IQGAP3: variants seen among roughly 807,000 people sequenced by gnomAD.
IQGAP3 encodes the protein ras GTPase-activating-like protein IQGAP3.
A neutral mutation model predicts 208.2 loss-of-function variants in IQGAP3; 165 were observed. The observed-to-expected ratio is 0.79, with a 90% CI of 0.70 to 0.90. IQGAP3 has a LOEUF of 0.90. IQGAP3 is among the 40% of genes least tolerant of loss of function. The pLI is 0.00. For missense variants in IQGAP3, 1,811 were observed against 2,043.1 expected (o/e 0.89, Z 2.19); for synonymous variants, 703 against 803.6 (o/e 0.87, Z 2.12).
At chr1:156,549,114 C>T (rs1162820677) in intron 16 of IQGAP3, among the ~76,000 whole-genome samples, 1 of 151,918 alleles carries the variant, frequency 6.6e-6, no homozygotes, top group Non-Finnish European at 1.5e-5. Context: ...CACTTGAGCC[C>T]AGGAGTTTGA....
At chr1:156,562,368 A>G (rs1376970748) in intron 9 of IQGAP3, among the ~76,000 whole-genome samples, 1 of 151,288 alleles carries the variant, frequency 6.6e-6, no homozygotes, top group African/African-American at 2.4e-5. Flanking sequence ...ATGGTTCTCC[A>G]GTCAGACAGA....
intron 1 of IQGAP3, among the ~76,000 whole-genome samples, chr1:156,569,843 T>C (rs1156303493): frequency 6.6e-6 from 1 of 152,120 alleles, no homozygotes; most frequent in African/African-American, 2.4e-5. Flanking sequence ...TCAACAGACT[T>C]GTTTAGGCAA....
intron 10 of IQGAP3, 71 bp from the exon 11 acceptor site, chr1:156,561,092 C>CATTTT (rs1311575136): frequency 9.2e-7 from 1 of 1,087,860 alleles, no homozygotes; most frequent in Non-Finnish European, 1.4e-6. Flanking sequence ...GAGTTGCCAG[C>CATTTT]ATGAGCTCCC....
rs1674870819 is a variant in IQGAP3 at position 156,539,426 on chromosome 1, C to G, written c.3004G>C (p.Glu1002Gln). The change falls in exon 25 of 38, where the codon GAG (glutamate) becomes CAG (glutamine). Residue 1002 changes from glutamate (E) to glutamine (Q), a missense_variant. By Grantham distance (29) the Glu-to-Gln change is conservative. Transcript: ENST00000361170. ...AACAGCTGGAGCAGGAGATAGGCCT[C>G]TCGGCGGCTGGAGGCATAGTTGTAC... ...SLYNYASSRR[E>Q]AYLLLQLFKT... 1 of 1,614,128 alleles carries G rather than the reference C, an allele frequency of 6.2e-7. No individual in the cohort carries two copies. Among genetic ancestry groups the G allele is most frequent in the Non-Finnish European group, 8.5e-7 (1 of 1,180,014 alleles).
At chr1:156,549,204 T>C (rs1473002048) in intron 16 of IQGAP3, among the ~76,000 whole-genome samples, 1 of 152,164 alleles carries the variant, frequency 6.6e-6, no homozygotes, top group Non-Finnish European at 1.5e-5. Flanking sequence ...CTCACGCCTG[T>C]AATCCCAGCT....
chr1:156,539,140 G>C, intron 25 of IQGAP3, 107 bp from the exon 26 acceptor site: 1 of 982,106 alleles, frequency 1.0e-6, no homozygotes, highest in Non-Finnish European at 1.6e-6. Context: ...TGGTGTCCCC[G>C]CTCTTAAGGA....
rs1027870985 is a variant in IQGAP3, at chr1:156,563,304, C to A, written c.628G>T (p.Ala210Ser). 6.3e-7 allele frequency: 1 copy of A among 1,597,942 alleles called. No individual in the cohort carries two copies. Among genetic ancestry groups the A allele is most frequent in the South Asian group, 1.1e-5 (1 of 89,532 alleles). The change falls in exon 8 of 38, where the codon GCT becomes TCT. Residue 210 changes from alanine (A) to serine (S), a missense_variant. Ala to Ser is a moderately conservative substitution (Grantham distance 99, BLOSUM62 1). Transcript: ENST00000361170. ...LSVDEAAVHA[A>S]VLAINEAVER... is the part of the protein sequence containing the mutation. ...ACTGCTTCATTGATGGCAAGAACAGCTGCATGGACTGGGAGAGGGCATGGA... is the reference window on the plus strand; with the variant it reads ...ACTGCTTCATTGATGGCAAGAACAGATGCATGGACTGGGAGAGGGCATGGA...
intron 15 of IQGAP3, among the ~76,000 whole-genome samples, chr1:156,551,062 AGC>A (rs1431418172): frequency 6.6e-6 from 1 of 152,230 alleles, no homozygotes; most frequent in Non-Finnish European, 1.5e-5. Context: ...ATACTTGTAA[AGC>A]ACATAAAATG....
At chr1:156,563,038 G>C in intron 8 of IQGAP3, 96 bp downstream of exon 8, 1 of 1,034,392 alleles carries the variant, frequency 9.7e-7, no homozygotes, top group Non-Finnish European at 1.4e-6. Flanking sequence ...AAGCAATTTT[G>C]GATACTAGAG....
chr1:156,560,336 C>A (rs1676086045), intron 11 of IQGAP3, among the ~76,000 whole-genome samples: 1 of 152,106 alleles, frequency 6.6e-6, no homozygotes, highest in South Asian at 2.1e-4. Context: ...ACACGAAGAA[C>A]CCTACCTCTA....
Position 156,531,251 on chromosome 1 carries a change from C to T in IQGAP3, c.4104-4G>A. On this transcript the variant is annotated splice_region_variant and splice_polypyrimidine_tract_variant and intron_variant, in intron 32 of 37. Coordinates refer to ENST00000361170, the MANE Select transcript of IQGAP3 (RefSeq NM_178229.5). ...ATCGGCCAACAGCTGCTTGGTGCTG[C>T]ACAAGGAGGACAGTGACAGAGGAGA... 6.2e-7 allele frequency: 1 copy of T among 1,612,288 alleles called. No homozygotes were observed. The highest frequency in any genetic ancestry group is 8.5e-7 in the Non-Finnish European group (1 of 1,178,552).
intron 36 of IQGAP3, among the ~76,000 whole-genome samples, chr1:156,528,263 G>A (rs947418577): frequency 7.2e-5 from 11 of 152,032 alleles, no homozygotes; most frequent in African/African-American, 2.4e-4. Context: ...CCCGCCCTAC[G>A]CAGCTGTTCT....
In IQGAP3 at chr1:156,548,440, A is replaced by G; in HGVS notation, c.2041T>C (p.Tyr681His). 6.2e-7 allele frequency: 1 copy of G among 1,613,970 alleles called. No homozygotes were observed. Among genetic ancestry groups the G allele is most frequent in the Non-Finnish European group, 8.5e-7 (1 of 1,179,970 alleles). The stretch of plus-strand genomic sequence containing the variant: ...TGGAAGGTCTGCAGATGGAAGTAGT[A>G]GGCAGTGCCATCCTTCATGTCATGT... ...VQHDMKDGTA[Y>H]YFHLQTFQGI... The change falls in exon 18 of 38, where the codon TAC becomes CAC. Residue 681 changes from tyrosine to histidine, a missense_variant. Tyr to His is a moderately conservative substitution (Grantham distance 83, BLOSUM62 2). Transcript: ENST00000361170.
chr1:156,567,953 G>A (rs180870682), intron 2 of IQGAP3, among the ~76,000 whole-genome samples: 1 of 152,316 alleles, frequency 6.6e-6, no homozygotes, highest in Non-Finnish European at 1.5e-5. Flanking sequence ...GAAGGCATTA[G>A]ATGAAAGTTA....
At chr1:156,533,946 C>A (rs1239379354) in intron 30 of IQGAP3, 63 bp downstream of exon 30, 12 of 1,607,842 alleles carry the variant, frequency 7.5e-6, no homozygotes, top group Non-Finnish European at 8.5e-6. Flanking sequence ...AGCCCACTAC[C>A]CCATCACAGG....
intron 13 of IQGAP3, among the ~76,000 whole-genome samples, chr1:156,553,422 C>A (rs1675660109): frequency 6.6e-6 from 1 of 152,174 alleles, no homozygotes; most frequent in South Asian, 2.1e-4. Flanking sequence ...TCATGGCAAT[C>A]ATTTATGCCC....
At chr1:156,547,879 C>A (rs1675337813) in intron 19 of IQGAP3, among the ~76,000 whole-genome samples, 194 bp downstream of exon 19, 1 of 152,140 alleles carries the variant, frequency 6.6e-6, no homozygotes, top group Non-Finnish European at 1.5e-5. Flanking sequence ...AGTAACTTGC[C>A]AGGGTCACAC....
At chr1:156,540,669 G>A in intron 23 of IQGAP3, 39 bp downstream of exon 23, 1 of 1,545,580 alleles carries the variant, frequency 6.5e-7, no homozygotes, top group Non-Finnish European at 8.9e-7. Context: ...TCCAGAGGCA[G>A]GCAGATCTCG....
At chr1:156,539,222 G>T in intron 25 of IQGAP3, 152 bp downstream of exon 25, 1 of 845,340 alleles carries the variant, frequency 1.2e-6, no homozygotes, top group Non-Finnish European at 1.9e-6. Flanking sequence ...TGTCCCAGAT[G>T]TTTTACGGTT....
Sources: gnomAD v4.1 joint callset for allele counts (sites outside exome capture counted in the v4.1 genomes callset) on GRCh38, gnomAD v4.1.1 for gene constraint, MANE v1.5 for transcripts, NCBI Gene and HGNC (gene_info 2026-07-23, HGNC 2026-07-21) for gene names.